The following CLCN1 variants were observed in gnomAD, a reference collection of about 807,000 sequenced individuals.
The protein encoded by CLCN1 is chloride channel protein 1.
In CLCN1, 100 loss-of-function variants were observed where a neutral mutation model predicts 114.5. The ratio of observed to expected loss-of-function variants is 0.87; its 90% confidence interval spans 0.74 to 1.03. The LOEUF is 1.03. Among genes scored for constraint, CLCN1 ranks in the 50% least tolerant of loss-of-function variants. The probability of loss-of-function intolerance (pLI) is 0.00; values close to 1 mark genes in which losing one functional copy is unlikely to be tolerated. For synonymous variants in CLCN1, 485 were observed against 487.1 expected, an observed-to-expected ratio of 1.00 and a Z score of 0.06; for missense variants, 1,188 against 1,250.0, an observed-to-expected ratio of 0.95 and a Z score of 0.75.
intron 7 of CLCN1, among the ~76,000 whole-genome samples, chr7:143,328,939 G>C (rs1802646818): frequency 6.6e-6 from 1 of 151,026 alleles, no homozygotes. Flanking sequence ...CACTGTACTA[G>C]GTGCTGGTTT....
intron 20 of CLCN1, among the ~76,000 whole-genome samples, chr7:143,348,745 C>T (rs1803318825): frequency 6.6e-6 from 1 of 152,176 alleles, no homozygotes; most frequent in African/African-American, 2.4e-5. Context: ...ATTCTGCATA[C>T]TCTGGAGTAC....
chr7:143,343,814 CTCTT>C (rs1312481356), intron 16 of CLCN1, among the ~76,000 whole-genome samples: 1 of 151,194 alleles, frequency 6.6e-6, no homozygotes, highest in East Asian at 1.9e-4. Flanking sequence ...CTTTCCCTCT[CTCTT>C]TCTCTCTCTC....
At chr7:143,323,526 C>T in intron 6 of CLCN1, 140 bp downstream of exon 6, 1 of 734,700 alleles carries the variant, frequency 1.4e-6, no homozygotes. Context: ...CGCTCCCTTC[C>T]TCGTCTCCCT....
chr7:143,339,425 A>T lies in CLCN1; in HGVS notation c.1472-86A>T. 2.2e-6 allele frequency: 3 copies of T among 1,374,998 alleles called. No homozygotes were observed. Among genetic ancestry groups the T allele is most frequent in the Non-Finnish European group, 3.1e-6 (3 of 962,062 alleles). The allele number at this position is 1,374,998 out of a possible 1,614,324, so 85.2% of individuals were successfully genotyped here. Reference sequence around the variant, plus strand: ...ATGCTGGGAGTTTATATTTGTTCTTAATGCCCAAGGAGAGATTGGTTCTGA... The same window carrying T: ...ATGCTGGGAGTTTATATTTGTTCTTTATGCCCAAGGAGAGATTGGTTCTGA... On this transcript the variant is annotated intron_variant, in intron 13 of 22. Coordinates refer to ENST00000343257, the MANE Select transcript of CLCN1 (RefSeq NM_000083.3). The surrounding 1 kb of genome is among the most constrained non-coding windows in gnomAD (Gnocchi z 4.1).
chr7:143,321,465 C>T lies in CLCN1; in HGVS notation c.534C>T (p.Phe178=). The change falls in exon 4 of 23, where the codon TTC becomes TTT. Residue 178 remains phenylalanine (F), a synonymous_variant. Transcript: ENST00000343257. This position sits in a 1 kb window ranked among gnomAD's most constrained non-coding sequence, Gnocchi z 4.2. ...PLVLILFSAL[F]CHLISPQAVG... ...TCCTCATCCTCTTCAGCGCCCTCTT[C>T]TGCCACCTCATCTCTCCCCAGGCTG... 1 of 1,614,198 alleles carries T rather than the reference C, an allele frequency of 6.2e-7. No individual in the cohort carries two copies.
intron 14 of CLCN1, among the ~76,000 whole-genome samples, chr7:143,341,055 T>C (rs1347971395): frequency 6.6e-6 from 1 of 152,180 alleles, no homozygotes; most frequent in East Asian, 1.9e-4. Flanking sequence ...ATGACCCCTT[T>C]CGCTTTATAA....
intron 7 of CLCN1, among the ~76,000 whole-genome samples, chr7:143,327,812 C>A (rs759019491): frequency 6.6e-6 from 1 of 152,110 alleles, no homozygotes; most frequent in Non-Finnish European, 1.5e-5. Context: ...CGCCACTATG[C>A]CTGGCTAATT....
At chr7:143,320,368 T>G (rs1802391848) in intron 2 of CLCN1, among the ~76,000 whole-genome samples, 1 of 152,154 alleles carries the variant, frequency 6.6e-6, no homozygotes, top group African/African-American at 2.4e-5. Flanking sequence ...AAATGAGTTT[T>G]AGGAAGGAAT....
chr7:143,342,043 C>T lies in CLCN1; in HGVS notation c.1697C>T (p.Ala566Val), dbSNP rs2116373070. ...ILPMMVAVIL[A>V]NMVAQSLQPS... is the part of the protein sequence containing the mutation. Reference sequence around the variant, plus strand: ...CCCATGATGGTGGCTGTTATCTTGGCCAACATGGTGGCCCAGAGCCTGCAG... The same window carrying T: ...CCCATGATGGTGGCTGTTATCTTGGTCAACATGGTGGCCCAGAGCCTGCAG... The change falls in exon 15 of 23, where the codon GCC becomes GTC. Residue 566 changes from alanine to valine, a missense_variant. Physicochemically the swap from Ala to Val is moderately conservative, Grantham distance 64. Coordinates refer to ENST00000343257, the MANE Select transcript of CLCN1 (RefSeq NM_000083.3). 2 of 1,614,132 alleles carry T rather than the reference C, an allele frequency of 1.2e-6. No homozygotes were observed. Among genetic ancestry groups the T allele is most frequent in the African/African-American group, 1.3e-5 (1 of 75,036 alleles).
chr7:143,332,952 A>T, intron 12 of CLCN1, 79 bp downstream of exon 12: 3 of 1,471,670 alleles, frequency 2.0e-6, no homozygotes, highest in Non-Finnish European at 2.9e-6. Context: ...ATAGGGTAGG[A>T]AGGGGTAGAA....
chr7:143,321,897 C>T lies in CLCN1; in HGVS notation c.696+49C>T. On this transcript the variant is annotated intron_variant, in intron 5 of 22. Coordinates refer to ENST00000343257, the MANE Select transcript of CLCN1 (RefSeq NM_000083.3). The surrounding 1 kb of genome is among the most constrained non-coding windows in gnomAD (Gnocchi z 4.2). ...AGAGCTGGGAGGGGCCCTCAGGAGC[C>T]AGGGTGGCACCAACTCTAGAGGGAG... The T allele has an allele frequency of 6.3e-7, 1 of 1,599,804 alleles. No homozygotes were observed. The highest frequency in any genetic ancestry group is 1.1e-5 in the South Asian group (1 of 89,722).
intron 7 of CLCN1, among the ~76,000 whole-genome samples, chr7:143,328,397 G>A (rs568845256): frequency 1.3e-5 from 2 of 152,302 alleles, no homozygotes; most frequent in South Asian, 4.1e-4. Flanking sequence ...TCCAGAACCT[G>A]AGCAGAGAGC....
chr7:143,341,955 T>A lies in CLCN1; in HGVS notation c.1609T>A (p.Ser537Thr). ...IGAAALTGAV[S>T]HTVSTAVICF... is the part of the protein sequence containing the mutation. ...AGCAGCAGCGCTGACTGGTGCCGTT[T>A]CCCACACAGTCTCCACAGCTGTGAT... Residue 537 changes from serine (S) to threonine (T), a missense_variant, in exon 15 of 23, where the codon TCC (serine) becomes ACC (threonine). Ser to Thr is a moderately conservative substitution (Grantham distance 58, BLOSUM62 1). Coordinates refer to ENST00000343257, the MANE Select transcript of CLCN1 (RefSeq NM_000083.3). The A allele has an allele frequency of 6.2e-7, 1 of 1,613,948 alleles. No homozygotes were observed. Among genetic ancestry groups the A allele is most frequent in the Non-Finnish European group, 8.5e-7 (1 of 1,180,028 alleles).
Position 143,346,948 on chromosome 7 carries a change from A to C in CLCN1, c.2402A>C (p.Glu801Ala). Reference sequence around the variant, plus strand: ...TTAGTGGATAACATGTCACCTGAAGAGGTGAGTAAGGGAAATGGAAACCTG... The same window carrying C: ...TTAGTGGATAACATGTCACCTGAAGCGGTGAGTAAGGGAAATGGAAACCTG... The part of the protein sequence containing the change: ...TDLVDNMSPE[E>A]IEAWEQEQLS... Residue 801 changes from glutamate (E) to alanine (A), a missense_variant and splice_region_variant, in exon 20 of 23, where the codon GAG (glutamate) becomes GCG (alanine). Coordinates refer to ENST00000343257, the MANE Select transcript of CLCN1 (RefSeq NM_000083.3). The C allele has an allele frequency of 6.2e-7, 1 of 1,613,112 alleles. No individual in the cohort carries two copies. The highest frequency in any genetic ancestry group is 1.1e-5 in the South Asian group (1 of 91,046).
chr7:143,331,608 C>T lies in CLCN1; in HGVS notation c.1122C>T (p.Leu374=), dbSNP rs1181452022. The T allele has an allele frequency of 4.3e-6, 7 of 1,613,988 alleles. No homozygotes were observed. The highest frequency in any genetic ancestry group is 1.1e-5 in the South Asian group (1 of 91,082). ...TGTATCTGCATCGCCAAGTCATGCT[C>T]GGTGTCCGAAAGCACAAGGCCCTCA... ...VFVYLHRQVM[L]GVRKHKALSQ... is the part of the protein sequence containing the mutation. Residue 374 remains leucine (L), a synonymous_variant, in exon 10 of 23, where the codon CTC becomes CTT. Coordinates refer to ENST00000343257, the MANE Select transcript of CLCN1 (RefSeq NM_000083.3).
In CLCN1 at chr7:143,321,686, C is replaced by T. The variant is rs1473861842; in HGVS notation, c.563-29C>T. The T allele has an allele frequency of 6.2e-7, 1 of 1,613,982 alleles. No individual in the cohort carries two copies. The highest frequency in any genetic ancestry group is 1.3e-5 in the African/African-American group (1 of 74,942). On this transcript the variant is annotated intron_variant, in intron 4 of 22. Coordinates refer to ENST00000343257, the MANE Select transcript of CLCN1 (RefSeq NM_000083.3). The surrounding 1 kb of genome is among the most constrained non-coding windows in gnomAD (Gnocchi z 4.2). The stretch of plus-strand genomic sequence containing the variant: ...ATCTCCCTTTTCACCTTCACCTTGA[C>T]CCTGCACATAATCTTTCAACGCTTT...
At position 143,331,627 on chromosome 7, in the gene CLCN1, G is replaced by A. The variant is rs1178994182; in HGVS notation, c.1141G>A (p.Ala381Thr). 1 of 1,613,902 alleles carries A rather than the reference G, an allele frequency of 6.2e-7. No homozygotes were observed. Among genetic ancestry groups the A allele is most frequent in the Admixed American group, 1.7e-5 (1 of 60,010 alleles). The change falls in exon 10 of 23, where the codon GCC (alanine) becomes ACC (threonine). Residue 381 changes from alanine to threonine, a missense_variant. Transcript: ENST00000343257. ...QVMLGVRKHK[A>T]LSQFLAKHRL... ...CATGCTCGGTGTCCGAAAGCACAAG[G>A]CCCTCAGCCAGTTTCTTGCTAAGCA... is the stretch of plus-strand genomic sequence containing the variant.
intron 17 of CLCN1, 108 bp from the exon 18 acceptor site, chr7:143,346,032 G>C: frequency 1.2e-6 from 1 of 866,618 alleles, no homozygotes; most frequent in Non-Finnish European, 1.9e-6. Flanking sequence ...TTCTGAACTG[G>C]GGGGAAGAAT....
chr7:143,320,932 G>A, intron 3 of CLCN1, 137 bp downstream of exon 3: 2 of 1,061,790 alleles, frequency 1.9e-6, no homozygotes, highest in Non-Finnish European at 2.9e-6. Flanking sequence ...GATCAGGTGG[G>A]ACTCCAGGCC....
Sources: gnomAD v4.1 joint callset for allele counts (sites outside exome capture counted in the v4.1 genomes callset) on GRCh38, gnomAD v4.1.1 for gene constraint, Gnocchi (gnomAD v3.1) non-coding constraint, MANE v1.5 for transcripts, NCBI Gene and HGNC (gene_info 2026-07-23, HGNC 2026-07-21) for gene names.